The following NELL1 variants were observed in gnomAD, a reference collection of about 807,000 sequenced individuals.
NELL1 encodes the protein neural EGFL like 1, also known as protein kinase C-binding protein NELL1.
Under a neutral mutation model 107.4 loss-of-function variants are expected in NELL1, and 76 were observed. The ratio of observed to expected loss-of-function variants is 0.71; its 90% confidence interval spans 0.59 to 0.86. The LOEUF is 0.86. NELL1 is among the 40% of genes least tolerant of loss of function. NELL1 has a pLI of 0.00. For synonymous variants in NELL1, 353 were observed against 341.2 expected, an observed-to-expected ratio of 1.03 and a Z score of -0.38; for missense variants, 1,024 against 1,005.5, an observed-to-expected ratio of 1.02 and a Z score of -0.25.
intron 5 of NELL1, among the ~76,000 whole-genome samples, chr11:20,892,375 CAAT>C (rs1337785821): frequency 6.6e-6 from 1 of 152,142 alleles, no homozygotes; most frequent in East Asian, 1.9e-4. Context: ...ACCAAAACCA[CAAT>C]GAGATACCAT....
chr11:20,933,695 T>C (rs575672978), intron 9 of NELL1, among the ~76,000 whole-genome samples: 14 of 152,274 alleles, frequency 9.2e-5, no homozygotes, highest in Middle Eastern at 6.8e-3. Flanking sequence ...TAAATAAAGA[T>C]AGGGAAACCT....
chr11:21,177,105 A>G (rs1856729653), intron 13 of NELL1, among the ~76,000 whole-genome samples: 1 of 151,872 alleles, frequency 6.6e-6, no homozygotes, highest in Non-Finnish European at 1.5e-5. Flanking sequence ...TTGTGGTGAG[A>G]ACAAAATGGT....
chr11:21,472,765 C>T (rs867434779), intron 15 of NELL1, among the ~76,000 whole-genome samples: 2 of 151,820 alleles, frequency 1.3e-5, no homozygotes, highest in African/African-American at 4.8e-5. Context: ...TAGAAACAAT[C>T]AAATAGGAAA....
intron 14 of NELL1, among the ~76,000 whole-genome samples, chr11:21,289,575 A>G (rs762157132): frequency 6.6e-6 from 1 of 152,120 alleles, no homozygotes; most frequent in Non-Finnish European, 1.5e-5. Context: ...CAAGCACAAA[A>G]CTGGGTGGCA....
In NELL1 at chr11:20,669,595, T is replaced by TGCCGAGCCACCTCCCCCGCCGCC. The variant is rs1853840889; in HGVS notation, c.-128_-106dup. 1.4e-6 allele frequency: 1 copy of TGCCGAGCCACCTCCCCCGCCGCC among 714,434 alleles called. No individual in the cohort carries two copies. Among genetic ancestry groups the TGCCGAGCCACCTCCCCCGCCGCC allele is most frequent in the Non-Finnish European group, 2.4e-6 (1 of 420,504 alleles). The allele number at this position is 714,434 out of a possible 1,614,324, so 44.3% of individuals were successfully genotyped here. Reference sequence around the variant, plus strand: ...CATATGCGAGCGCAGCACCCGGCGCTGCCGAGCCACCTCCCCCGCCGCCCG... The same window carrying TGCCGAGCCACCTCCCCCGCCGCC: ...CATATGCGAGCGCAGCACCCGGCGCTGCCGAGCCACCTCCCCCGCCGCCGCCGAGCCACCTCCCCCGCCGCCCG... On this transcript the variant is annotated 5_prime_UTR_variant, in exon 1 of 20. Coordinates refer to ENST00000357134, the MANE Select transcript of NELL1 (RefSeq NM_006157.5). This position sits in a 1 kb window ranked among gnomAD's most constrained non-coding sequence, Gnocchi z 4.4.
intron 14 of NELL1, among the ~76,000 whole-genome samples, chr11:21,285,797 C>G (rs748486214): frequency 6.6e-6 from 1 of 152,116 alleles, no homozygotes; most frequent in Non-Finnish European, 1.5e-5. Context: ...TAAAACAAAA[C>G]AAAAGAAAAC....
At chr11:21,403,142 C>T (rs1334402574) in intron 15 of NELL1, among the ~76,000 whole-genome samples, 1 of 151,728 alleles carries the variant, frequency 6.6e-6, no homozygotes, top group South Asian at 2.1e-4. Context: ...TTTTCATTAT[C>T]TTAGATTATA....
At chr11:20,811,183 G>T (rs1162061768) in intron 3 of NELL1, among the ~76,000 whole-genome samples, 1 of 152,096 alleles carries the variant, frequency 6.6e-6, no homozygotes, top group Non-Finnish European at 1.5e-5. Flanking sequence ...AGAAATAACG[G>T]TCTAATTTTA....
chr11:21,340,620 TACACACAC>T (rs71034506), intron 14 of NELL1, among the ~76,000 whole-genome samples: 24,831 of 141,682 alleles, frequency 0.18, 2,512 homozygotes, highest in Non-Finnish European at 0.23. Context: ...TATGACGGGT[TACACACAC>T]ACACACACAC....
intron 13 of NELL1, among the ~76,000 whole-genome samples, chr11:21,133,157 C>T (rs75059018): frequency 0.22 from 33,257 of 152,016 alleles, 3,798 homozygotes; most frequent in Middle Eastern, 0.31. Context: ...CTTCTTTCCT[C>T]AGGCAGGTCA....
At chr11:21,129,779 T>A (rs1855573501) in intron 13 of NELL1, among the ~76,000 whole-genome samples, 1 of 152,204 alleles carries the variant, frequency 6.6e-6, no homozygotes, top group African/African-American at 2.4e-5. Context: ...AAAGTTATTG[T>A]TAATGGGTAT....
intron 14 of NELL1, among the ~76,000 whole-genome samples, chr11:21,283,410 A>G (rs1278647098): frequency 6.6e-6 from 1 of 152,202 alleles, no homozygotes; most frequent in Non-Finnish European, 1.5e-5. Context: ...GGTTGTGCTT[A>G]TTTTGGACCA....
intron 4 of NELL1, among the ~76,000 whole-genome samples, chr11:20,866,165 G>T (rs776540441): frequency 4.6e-5 from 7 of 152,216 alleles, no homozygotes; most frequent in Non-Finnish European, 1.0e-4. Flanking sequence ...GGAGCTTGAA[G>T]TGGGAATTGG....
intron 4 of NELL1, among the ~76,000 whole-genome samples, chr11:20,882,172 C>T (rs184822048): frequency 1.2e-3 from 176 of 152,320 alleles, no homozygotes; most frequent in Non-Finnish European, 2.2e-3. Flanking sequence ...TATAGCTCCC[C>T]TTCTATAGGG....
intron 14 of NELL1, among the ~76,000 whole-genome samples, chr11:21,258,854 T>C (rs753885820): frequency 5.9e-5 from 9 of 151,926 alleles, no homozygotes; most frequent in Non-Finnish European, 1.3e-4. Context: ...TTGTGAAGCA[T>C]AGGCAGAGAT....
At chr11:21,526,078 G>A (rs548777195) in intron 15 of NELL1, among the ~76,000 whole-genome samples, 4 of 152,280 alleles carry the variant, frequency 2.6e-5, no homozygotes, top group African/African-American at 7.2e-5. Flanking sequence ...TTCCACCTAT[G>A]AGTCTGTAAA....
intron 15 of NELL1, among the ~76,000 whole-genome samples, chr11:21,436,344 T>G (rs532919616): frequency 6.6e-6 from 1 of 152,172 alleles, no homozygotes; most frequent in Admixed American, 6.5e-5. Context: ...TGAACCACTG[T>G]GCTCAGCCTT....
intron 14 of NELL1, among the ~76,000 whole-genome samples, chr11:21,343,578 A>G (rs544501355): frequency 4.6e-5 from 7 of 152,292 alleles, no homozygotes; most frequent in African/African-American, 1.7e-4. Flanking sequence ...AGTCTAGGCC[A>G]TGGGTGGGCA....
chr11:20,983,690 T>G (rs1851794041), intron 12 of NELL1, among the ~76,000 whole-genome samples: 1 of 152,200 alleles, frequency 6.6e-6, no homozygotes, highest in Non-Finnish European at 1.5e-5. Flanking sequence ...GACCCAGCGT[T>G]TCATGTTTCT....
Sources: allele counts gnomAD v4.1 joint callset (sites outside exome capture counted in the v4.1 genomes callset), GRCh38; gene constraint gnomAD v4.1.1; non-coding constraint Gnocchi (gnomAD v3.1); transcripts MANE v1.5; gene names NCBI Gene and HGNC (gene_info 2026-07-23, HGNC 2026-07-21).